Variants in MACROD2 observed in about 807,000 individuals in gnomAD.
The protein encoded by MACROD2 is mono-ADP ribosylhydrolase 2.
A neutral mutation model predicts 70.4 loss-of-function variants in MACROD2; 36 were observed. The ratio of observed to expected loss-of-function variants is 0.51; its 90% CI spans 0.39 to 0.68. The LOEUF (loss-of-function observed/expected upper bound fraction) is 0.68. Ranked by LOEUF, MACROD2 falls within the 30% of genes least tolerant of loss-of-function variation. The pLI is 0.00. For missense variants in MACROD2, 496 were observed against 538.4 expected, an observed-to-expected ratio of 0.92 and a Z score of 0.78; for synonymous variants, 172 against 178.8, an observed-to-expected ratio of 0.96 and a Z score of 0.30.
intron 3 of MACROD2, among the ~76,000 whole-genome samples, chr20:14,298,265 A>G (rs994228961): frequency 4.6e-5 from 7 of 151,780 alleles, no homozygotes; most frequent in Admixed American, 2.0e-4. Context: ...TAGTCTTCGT[A>G]TATAAGAAGT....
intron 8 of MACROD2, among the ~76,000 whole-genome samples, chr20:15,612,262 A>G (rs1249476501): frequency 6.6e-6 from 1 of 152,218 alleles, no homozygotes; most frequent in Admixed American, 6.5e-5. Context: ...CCAAATCTGA[A>G]CATTGTCTTG....
At chr20:15,694,684 G>T (rs1600769701) in intron 8 of MACROD2, among the ~76,000 whole-genome samples, 2 of 152,126 alleles carry the variant, frequency 1.3e-5, no homozygotes, top group African/African-American at 4.8e-5. Flanking sequence ...TTACTCTGCT[G>T]ACTGTTCCTT....
chr20:14,034,002 C>T (rs1030702232), intron 2 of MACROD2, among the ~76,000 whole-genome samples: 88 of 149,072 alleles, frequency 5.9e-4, no homozygotes, highest in Admixed American at 5.0e-3. Flanking sequence ...GATGGAGTCT[C>T]GCTCTGTCGC....
At chr20:15,601,610 G>T (rs116293639) in intron 8 of MACROD2, among the ~76,000 whole-genome samples, 3 of 152,272 alleles carry the variant, frequency 2.0e-5, no homozygotes, top group Admixed American at 6.5e-5. Flanking sequence ...TCACCTTACC[G>T]TTAGTTTATT....
intron 8 of MACROD2, among the ~76,000 whole-genome samples, chr20:15,735,360 T>C (rs1252012034): frequency 6.6e-6 from 1 of 152,044 alleles, no homozygotes; most frequent in African/African-American, 2.4e-5. Context: ...TATGAGAGAA[T>C]TGTTTTAGTA....
At chr20:14,682,444 CAT>C (rs918025920) in intron 4 of MACROD2, among the ~76,000 whole-genome samples, 4 of 150,792 alleles carry the variant, frequency 2.7e-5, no homozygotes, top group African/African-American at 7.3e-5. Context: ...ATACACATTA[CAT>C]ATATATATTA....
At chr20:14,135,417 C>T (rs1012517185) in intron 3 of MACROD2, among the ~76,000 whole-genome samples, 1 of 152,086 alleles carries the variant, frequency 6.6e-6, no homozygotes, top group Non-Finnish European at 1.5e-5. Flanking sequence ...TGCTATGTCA[C>T]AGTGCTTTGG....
At chr20:15,212,822 C>CCAGCAGCAT (rs2076775842) in intron 5 of MACROD2, among the ~76,000 whole-genome samples, 1 of 152,122 alleles carries the variant, frequency 6.6e-6, no homozygotes, top group Non-Finnish European at 1.5e-5. Flanking sequence ...GGTTCCTAGG[C>CCAGCAGCAT]CAGCAGCATC....
intron 8 of MACROD2, among the ~76,000 whole-genome samples, chr20:15,678,744 A>C (rs573387872): frequency 1.2e-4 from 19 of 152,270 alleles, no homozygotes; most frequent in African/African-American, 4.3e-4. Context: ...TAACTGAGAG[A>C]GAGAAAGGAA....
rs181429259 is a variant in MACROD2 at position 14,904,773 on chromosome 20, T to G, written c.418+219814T>G. Among the ~76,000 whole-genome samples, 15 of 152,324 alleles carry G rather than the reference T, an allele frequency of 9.8e-5. No individual in the cohort carries two copies. The East Asian group carries it at 2.5e-3, about 25-fold the overall frequency. On this transcript the variant is annotated intron_variant, in intron 5 of 17. Transcript: ENST00000684519. ...TATTATAAGTAATAAAATGAGATTA[T>G]GTATGTAACACACTTCTTACAGAAT...
At chr20:15,162,693 ACT>A (rs1601161620) in intron 5 of MACROD2, among the ~76,000 whole-genome samples, 1 of 152,088 alleles carries the variant, frequency 6.6e-6, no homozygotes, top group Admixed American at 6.6e-5. Flanking sequence ...AGATAAAATA[ACT>A]CTCAATACGT....
chr20:15,455,922 T>C (rs2046718780), intron 7 of MACROD2, among the ~76,000 whole-genome samples: 1 of 152,116 alleles, frequency 6.6e-6, no homozygotes, highest in Non-Finnish European at 1.5e-5. Flanking sequence ...AAAAATGAGC[T>C]TTCTCCTTTG....
chr20:14,867,541 T>C (rs2073441297), intron 5 of MACROD2, among the ~76,000 whole-genome samples: 2 of 152,148 alleles, frequency 1.3e-5, no homozygotes, highest in African/African-American at 4.8e-5. Context: ...GAATTCTACA[T>C]GGATTCCTGT....
At chr20:15,421,547 C>G (rs1393717183) in intron 6 of MACROD2, among the ~76,000 whole-genome samples, 1 of 152,156 alleles carries the variant, frequency 6.6e-6, no homozygotes, top group Non-Finnish European at 1.5e-5. Flanking sequence ...TCAATATACA[C>G]TGACATTGAA....
intron 5 of MACROD2, among the ~76,000 whole-genome samples, chr20:14,712,707 A>T (rs1439523252): frequency 6.6e-6 from 1 of 152,160 alleles, no homozygotes; most frequent in Non-Finnish European, 1.5e-5. Flanking sequence ...ACTTTTAGGG[A>T]GCTTGAATTG....
intron 4 of MACROD2, among the ~76,000 whole-genome samples, chr20:14,576,053 A>AT (rs1163402184): frequency 1.3e-5 from 2 of 152,100 alleles, no homozygotes; most frequent in East Asian, 1.9e-4. Context: ...TAAAATAATG[A>AT]TTTTTTCACA....
chr20:14,455,329 C>T (rs555490215), intron 3 of MACROD2, among the ~76,000 whole-genome samples: 22 of 151,934 alleles, frequency 1.4e-4, no homozygotes, highest in Non-Finnish European at 2.9e-4. Flanking sequence ...GAGCATGGTT[C>T]AATTCTTATT....
chr20:15,447,051 C>CGTGTGTGTGT (rs57914856), intron 7 of MACROD2, among the ~76,000 whole-genome samples: 1,814 of 146,640 alleles, frequency 0.012, 15 homozygotes, highest in African/African-American at 0.015. Flanking sequence ...TAAGAGTGTG[C>CGTGTGTGTGT]GTGTGTGTGT....
intron 8 of MACROD2, among the ~76,000 whole-genome samples, chr20:15,668,925 T>C (rs987598201): frequency 1.3e-4 from 20 of 152,222 alleles, no homozygotes; most frequent in Non-Finnish European, 1.8e-4. Flanking sequence ...TTTTTTAATA[T>C]GCTTACAGAA....
Sources: allele counts gnomAD v4.1 joint callset (sites outside exome capture counted in the v4.1 genomes callset), GRCh38; gene constraint gnomAD v4.1.1; transcripts MANE v1.5; gene names NCBI Gene and HGNC (gene_info 2026-07-23, HGNC 2026-07-21).